The following SOX5 variants were observed in gnomAD, a reference collection of about 807,000 sequenced individuals.
SOX5 encodes the protein transcription factor SOX-5.
SOX5 carries 9 observed loss-of-function variants against 92.0 expected under a neutral mutation model. The ratio of observed to expected loss-of-function variants is 0.10; its 90% confidence interval spans 0.06 to 0.17. The LOEUF (loss-of-function observed/expected upper bound fraction) is 0.17, where lower values mean the gene tolerates loss of function less well. Among genes scored for constraint, SOX5 ranks in the 10% least tolerant of loss-of-function variants. SOX5 has a pLI of 1.00. For missense variants in SOX5, 642 were observed against 944.5 expected, an observed-to-expected ratio of 0.68 and a Z score of 4.20; for synonymous variants, 344 against 336.3, an observed-to-expected ratio of 1.02 and a Z score of -0.25.
intron 11 of SOX5, among the ~76,000 whole-genome samples, chr12:23,556,625 T>G (rs1385194537): frequency 6.6e-6 from 1 of 152,208 alleles, no homozygotes; most frequent in African/African-American, 2.4e-5. Context: ...TTTATACAAT[T>G]TTTCTCTAGC....
At chr12:24,212,552 C>T in intron 4 of SOX5, 1 of 518,414 alleles carries the variant, frequency 1.9e-6, no homozygotes, top group South Asian at 1.5e-5. Flanking sequence ...CAAGTCTTCA[C>T]TCATAACTAA....
chr12:24,440,396 C>A (rs1040678845), intron 1 of SOX5, among the ~76,000 whole-genome samples: 1 of 152,162 alleles, frequency 6.6e-6, no homozygotes, highest in East Asian at 1.9e-4. Flanking sequence ...CCGCAGATGA[C>A]CTCCAGGAGA....
intron 10 of SOX5, among the ~76,000 whole-genome samples, chr12:23,567,218 C>T (rs185581423): frequency 3.0e-4 from 45 of 152,202 alleles, no homozygotes; most frequent in Admixed American, 2.2e-3. Flanking sequence ...CTGATAGATA[C>T]ATTTTATTCT....
At chr12:23,559,819 C>T (rs1246634136) in intron 11 of SOX5, among the ~76,000 whole-genome samples, 4 of 151,918 alleles carry the variant, frequency 2.6e-5, no homozygotes, top group African/African-American at 9.7e-5. Flanking sequence ...TCTTTTTTTC[C>T]TTTCTCCCAG....
intron 8 of SOX5, among the ~76,000 whole-genome samples, chr12:23,610,049 C>T (rs1431368442): frequency 1.3e-5 from 2 of 151,886 alleles, no homozygotes; most frequent in African/African-American, 2.4e-5. Flanking sequence ...TTAATTGTTG[C>T]TATTTTGGGA....
intron 3 of SOX5, among the ~76,000 whole-genome samples, chr12:23,764,874 C>T (rs982987291): frequency 6.6e-6 from 1 of 152,030 alleles, no homozygotes; most frequent in Non-Finnish European, 1.5e-5. Context: ...AAGCACTACA[C>T]ATCCTGAATC....
At position 23,923,327 on chromosome 12, in the gene SOX5, A is replaced by G. The variant is rs561866620; in HGVS notation, c.38+26237T>C. On this transcript the variant is annotated intron_variant, in intron 1 of 14. Transcript: ENST00000451604. ...AATGAATGAATGAATGAATGAATGA[A>G]TGAATACGTAAAAGCATAATGTAAG... is the stretch of plus-strand genomic sequence containing the variant. Among the ~76,000 whole-genome samples, 4 of 151,714 alleles carry G rather than the reference A, an allele frequency of 2.6e-5. No homozygotes were observed. In the South Asian group the frequency reaches 6.2e-4, roughly 24 times the overall value.
chr12:23,640,953 A>C (rs1244294025), intron 7 of SOX5, 56 bp from the exon 8 acceptor site: 1 of 1,158,696 alleles, frequency 8.6e-7, no homozygotes, highest in Non-Finnish European at 1.3e-6. Context: ...CCACCTGCAA[A>C]TTAAACTCAT....
chr12:24,332,000 C>A (rs1314217798), intron 2 of SOX5, among the ~76,000 whole-genome samples: 2 of 151,204 alleles, frequency 1.3e-5, no homozygotes, highest in Non-Finnish European at 2.9e-5. Flanking sequence ...ATCAAGACTG[C>A]ATATAATATG....
In SOX5 at chr12:24,356,237, C is replaced by T. The variant is rs183440435; in HGVS notation, c.-174+12326G>A. The stretch of plus-strand genomic sequence containing the variant: ...ACACAGAGATCAAAGTTAAATGAAG[C>T]AATGATTAGGGACATAAAGGAAGGA... On this transcript the variant is annotated intron_variant, in intron 2 of 4. Transcript: ENST00000446891. Among the ~76,000 whole-genome samples the T allele has an allele frequency of 1.1e-3, 161 of 152,184 alleles. 1 individual carries two copies. The South Asian group carries it at 0.013, about 12-fold the overall frequency.
At chr12:24,021,661 T>C (rs1954306309) in intron 4 of SOX5, among the ~76,000 whole-genome samples, 1 of 152,172 alleles carries the variant, frequency 6.6e-6, no homozygotes, top group Admixed American at 6.6e-5. Flanking sequence ...CCTAATGGAA[T>C]CAGCACGGTA....
At chr12:24,053,609 AGAGT>A (rs1196984645) in intron 4 of SOX5, among the ~76,000 whole-genome samples, 4 of 152,216 alleles carry the variant, frequency 2.6e-5, no homozygotes, top group African/African-American at 7.2e-5. Flanking sequence ...CTGCATGAAA[AGAGT>A]AAGTGAATTA....
intron 2 of SOX5, among the ~76,000 whole-genome samples, chr12:24,366,611 G>A (rs948513523): frequency 3.9e-5 from 6 of 152,032 alleles, no homozygotes; most frequent in African/African-American, 9.7e-5. Context: ...TGTTAGTAAA[G>A]CACATGCACA....
chr12:23,643,782 A>T (rs1174936893), intron 7 of SOX5, among the ~76,000 whole-genome samples: 2 of 152,122 alleles, frequency 1.3e-5, no homozygotes, highest in African/African-American at 2.4e-5. Context: ...AGTGGAGTGG[A>T]GGTTGAGAAG....
At chr12:24,403,359 C>A (rs751353775) in intron 1 of SOX5, among the ~76,000 whole-genome samples, 1 of 152,124 alleles carries the variant, frequency 6.6e-6, no homozygotes, top group Non-Finnish European at 1.5e-5. Context: ...TCCTTAAGGA[C>A]GGAAACCTTG....
chr12:23,750,297 T>C (rs1437900236), intron 4 of SOX5, among the ~76,000 whole-genome samples: 1 of 151,900 alleles, frequency 6.6e-6, no homozygotes, highest in African/African-American at 2.4e-5. Flanking sequence ...AAGAAAGATG[T>C]TTACGCAGTG....
chr12:24,464,840 C>A (rs958010425), intron 1 of SOX5, among the ~76,000 whole-genome samples: 1 of 152,228 alleles, frequency 6.6e-6, no homozygotes, highest in Non-Finnish European at 1.5e-5. Flanking sequence ...AATGTAGGCA[C>A]TTTCAAAGGA....
rs772445352 is a variant in SOX5, at chr12:24,370,020, AATAG to A, written c.-250-1385_-250-1382del. ...AAGCCATTCCTTCCCTATTCCCAAT[AATAG>A]ATATAGAAATTGTTTTGGGGTTTTT... On this transcript the variant is annotated intron_variant, in intron 1 of 4. Coordinates refer to the SOX5 transcript ENST00000446891. 6.5e-4 allele frequency among the ~76,000 whole-genome samples: 99 copies of A among 152,344 alleles called. 1 individual carries two copies. Among genetic ancestry groups the A allele is most frequent in the Middle Eastern group, 3.4e-3 (1 of 294 alleles).
At chr12:23,691,769 G>A (rs2088860797) in intron 6 of SOX5, among the ~76,000 whole-genome samples, 1 of 152,026 alleles carries the variant, frequency 6.6e-6, no homozygotes, top group African/African-American at 2.4e-5. Flanking sequence ...TCTCACAAAA[G>A]ATCTGTCTAT....
Sources: gnomAD v4.1 joint callset for allele counts (sites outside exome capture counted in the v4.1 genomes callset) on GRCh38, gnomAD v4.1.1 for gene constraint, MANE v1.5 for transcripts, NCBI Gene and HGNC (gene_info 2026-07-23, HGNC 2026-07-21) for gene names.